Variants in CACNA1C observed in about 807,000 individuals in gnomAD.
The protein encoded by CACNA1C is voltage-dependent L-type calcium channel subunit alpha-1C.
In CACNA1C, 30 loss-of-function variants were observed where a neutral mutation model predicts 229.0. That is an observed-to-expected ratio of 0.13 (90% CI 0.10 to 0.18). The LOEUF (loss-of-function observed/expected upper bound fraction) is 0.18, where lower values mean the gene tolerates loss of function less well. Ranked by LOEUF, CACNA1C falls within the 10% of genes least tolerant of loss-of-function variation. The probability of loss-of-function intolerance (pLI) is 1.00; values close to 1 mark genes in which losing one functional copy is unlikely to be tolerated. For missense variants in CACNA1C, 1,658 were observed against 2,845.0 expected (o/e 0.58, Z 9.49); for synonymous variants, 1,114 against 1,132.5 (o/e 0.98, Z 0.33).
At chr12:2,240,166 G>A (rs1400338023) in intron 3 of CACNA1C, among the ~76,000 whole-genome samples, 5 of 152,148 alleles carry the variant, frequency 3.3e-5, no homozygotes, top group African/African-American at 9.7e-5. Flanking sequence ...CAGGATGGTC[G>A]CTCTTTGCTT....
At chr12:2,370,213 G>A (rs2097828264) in intron 3 of CACNA1C, among the ~76,000 whole-genome samples, 1 of 152,106 alleles carries the variant, frequency 6.6e-6, no homozygotes, top group Non-Finnish European at 1.5e-5. Flanking sequence ...AAATACATTA[G>A]CAATAGGTGT....
At chr12:2,604,518 C>T (rs2074348606) in intron 22 of CACNA1C, among the ~76,000 whole-genome samples, 1 of 152,142 alleles carries the variant, frequency 6.6e-6, no homozygotes, top group African/African-American at 2.4e-5. Context: ...ACCGTTAGTA[C>T]GGCATTCCTT....
rs530381110 is a variant in CACNA1C at position 2,479,092 on chromosome 12, T to C, written c.758-7012T>C. ...GTGTTTGATCTACATTTTCTTAGAA[T>C]CTGCATCGCAAATCCAAGGATAGTG... On this transcript the variant is annotated intron_variant, in intron 5 of 46. Coordinates refer to ENST00000399655, the MANE Select transcript of CACNA1C (RefSeq NM_000719.7). This position sits in a 1 kb window ranked among gnomAD's most constrained non-coding sequence, Gnocchi z 4.3. Among the ~76,000 whole-genome samples, 1 of 152,190 alleles carries C rather than the reference T, an allele frequency of 6.6e-6. No homozygotes were observed. The highest frequency in any genetic ancestry group is 2.1e-4 in the South Asian group (1 of 4,806).
chr12:2,115,351 C>T lies in CACNA1C; in HGVS notation c.177C>T (p.Ala59=). The part of the protein sequence containing the change: ...ALSWQAAIDA[A]RQAKLMGSAG... ...CGTGGCAGGCGGCCATCGACGCAGC[C>T]CGGCAGGCTAAGCTGATGGGCAGCG... The change falls in exon 2 of 47, where the codon GCC becomes GCT. Residue 59 remains alanine, a synonymous_variant. Coordinates refer to ENST00000399655, the MANE Select transcript of CACNA1C (RefSeq NM_000719.7). 6.3e-7 allele frequency: 1 copy of T among 1,593,476 alleles called. No homozygotes were observed. The highest frequency in any genetic ancestry group is 8.5e-7 in the Non-Finnish European group (1 of 1,173,260).
intron 3 of CACNA1C, among the ~76,000 whole-genome samples, chr12:2,255,599 T>A (rs1261030382): frequency 1.3e-5 from 2 of 152,212 alleles, no homozygotes; most frequent in Non-Finnish European, 2.9e-5. Context: ...CCCAGTTTAC[T>A]AAGTGTGTGA....
chr12:2,642,678 T>TTC (rs1343607040), intron 30 of CACNA1C, among the ~76,000 whole-genome samples: 9 of 152,342 alleles, frequency 5.9e-5, no homozygotes, highest in African/African-American at 2.2e-4. Context: ...TCTGCCTTTC[T>TTC]TCTCTATCTT....
chr12:2,352,602 G>A (rs1164675934), intron 3 of CACNA1C, among the ~76,000 whole-genome samples: 1 of 151,930 alleles, frequency 6.6e-6, no homozygotes, highest in Non-Finnish European at 1.5e-5. Flanking sequence ...TTTGTTGGGG[G>A]AAATAGACTC....
chr12:2,082,926 G>A (rs534538604), intron 1 of CACNA1C, among the ~76,000 whole-genome samples: 2 of 152,234 alleles, frequency 1.3e-5, no homozygotes, highest in African/African-American at 2.4e-5. Context: ...TAATTAACTC[G>A]TTACGCCTGT....
chr12:2,577,955 G>T (rs1033310585), intron 13 of CACNA1C, among the ~76,000 whole-genome samples: 1 of 149,646 alleles, frequency 6.7e-6, no homozygotes, highest in Non-Finnish European at 1.5e-5. Context: ...TGCAAGCTCC[G>T]CCTCCCGGGT....
chr12:1,985,912 G>C (rs761829854), intron 1 of CACNA1C, among the ~76,000 whole-genome samples: 2 of 152,044 alleles, frequency 1.3e-5, no homozygotes, highest in African/African-American at 2.4e-5. Context: ...CTGGGTTCAC[G>C]CCATTCTCCT....
intron 1 of CACNA1C, among the ~76,000 whole-genome samples, chr12:2,023,406 A>G (rs2046797511): frequency 6.6e-6 from 1 of 151,560 alleles, no homozygotes; most frequent in South Asian, 2.1e-4. Flanking sequence ...ATCACTTTCT[A>G]CTCCTCAGAC....
intron 3 of CACNA1C, among the ~76,000 whole-genome samples, chr12:2,404,611 G>C (rs910058755): frequency 6.6e-6 from 1 of 152,180 alleles, no homozygotes; most frequent in African/African-American, 2.4e-5. Context: ...CTCCTCAAGT[G>C]CCCAGGCAGA....
intron 3 of CACNA1C, among the ~76,000 whole-genome samples, chr12:2,294,533 G>A (rs888266604): frequency 4.6e-5 from 7 of 152,026 alleles, no homozygotes; most frequent in Non-Finnish European, 7.4e-5. Flanking sequence ...AGGAACCATC[G>A]CGGTAGGCCT....
rs1491495164 is a variant in CACNA1C, at chr12:2,692,398, CTG to C, written c.*1204_*1205del. ...GACGCGTGTGTGTGTGGTGGGTTGT[CTG>C]TGTGCATATGTCCTGCCCGTGTATA... On this transcript the variant is annotated 3_prime_UTR_variant, in exon 47 of 47. Transcript: ENST00000399655. 5.9e-5 allele frequency: 9 copies of C among 152,490 alleles called. No individual in the cohort carries two copies. Among genetic ancestry groups the C allele is most frequent in the Non-Finnish European group, 1.2e-4 (8 of 68,056 alleles). 9.4% of individuals were successfully genotyped at this position (152,490 alleles called of 1,614,324 possible).
In CACNA1C at chr12:2,215,142, C is replaced by G. The variant is rs941496023; in HGVS notation, c.477+94712C>G. 2.0e-5 allele frequency among the ~76,000 whole-genome samples: 3 copies of G among 152,198 alleles called. No individual in the cohort carries two copies. The highest frequency in any genetic ancestry group is 7.2e-5 in the African/African-American group (3 of 41,452). ...AACGAAGCCATGTTTGCCGGCATATCTGGGGTTCCCTGGTCACTGAGACAT... is the reference window on the plus strand; with the variant it reads ...AACGAAGCCATGTTTGCCGGCATATGTGGGGTTCCCTGGTCACTGAGACAT... On this transcript the variant is annotated intron_variant, in intron 3 of 46. Transcript: ENST00000399655. The surrounding 1 kb of genome is among the most constrained non-coding windows in gnomAD (Gnocchi z 5.0).
intron 3 of CACNA1C, among the ~76,000 whole-genome samples, chr12:2,381,052 G>A (rs2098231192): frequency 6.6e-6 from 1 of 152,198 alleles, no homozygotes. Context: ...CACGTCCATG[G>A]CCATCTGCCT....
intron 9 of CACNA1C, among the ~76,000 whole-genome samples, chr12:2,530,037 A>G (rs530259525): frequency 1.3e-5 from 2 of 152,380 alleles, no homozygotes; most frequent in South Asian, 2.1e-4. Flanking sequence ...ACTGGCTGCA[A>G]TGGAGATTTA....
chr12:2,364,980 C>T (rs2097685983), intron 3 of CACNA1C, among the ~76,000 whole-genome samples: 1 of 152,236 alleles, frequency 6.6e-6, no homozygotes, highest in Non-Finnish European at 1.5e-5. Flanking sequence ...GAAGCAACAG[C>T]CCCTGCCTGT....
chr12:2,287,339 G>A lies in CACNA1C; in HGVS notation c.478-161637G>A, dbSNP rs988385105. ...TGCCTCATGGAGTGTCGCTGGATACGCGATCAGTGTCCCTTGAGGCAGTGC... is the reference window on the plus strand; with the variant it reads ...TGCCTCATGGAGTGTCGCTGGATACACGATCAGTGTCCCTTGAGGCAGTGC... On this transcript the variant is annotated intron_variant, in intron 3 of 46. Coordinates refer to ENST00000399655, the MANE Select transcript of CACNA1C (RefSeq NM_000719.7). This position sits in a 1 kb window ranked among gnomAD's most constrained non-coding sequence, Gnocchi z 4.6. Among the ~76,000 whole-genome samples the A allele has an allele frequency of 1.3e-5, 2 of 152,198 alleles. No homozygotes were observed. The highest frequency in any genetic ancestry group is 2.4e-5 in the African/African-American group (1 of 41,440).
Sources: allele counts gnomAD v4.1 joint callset (sites outside exome capture counted in the v4.1 genomes callset), GRCh38; gene constraint gnomAD v4.1.1; non-coding constraint Gnocchi (gnomAD v3.1); transcripts MANE v1.5; gene names NCBI Gene and HGNC (gene_info 2026-07-23, HGNC 2026-07-21).